Variants in VEPH1 observed in about 807,000 individuals in gnomAD.
VEPH1 encodes the protein ventricular zone-expressed PH domain-containing protein homolog 1.
Under a neutral mutation model 85.2 loss-of-function variants are expected in VEPH1, and 80 were observed. That is an observed-to-expected ratio of 0.94 (90% confidence interval 0.78 to 1.13). The LOEUF is 1.13. Ranked by LOEUF, VEPH1 falls within the 50% of genes most tolerant of loss-of-function variation. The probability of loss-of-function intolerance (pLI) is 0.00; values close to 1 mark genes in which losing one functional copy is unlikely to be tolerated. For synonymous variants in VEPH1, 297 were observed against 348.0 expected (o/e 0.85, Z 1.63); for missense variants, 955 against 980.5 (o/e 0.97, Z 0.35).
At chr3:157,262,059 G>A (rs758128569) in intron 13 of VEPH1, among the ~76,000 whole-genome samples, 4 of 152,124 alleles carry the variant, frequency 2.6e-5, no homozygotes, top group Non-Finnish European at 4.4e-5. Flanking sequence ...AGTACCTGTG[G>A]TTGAGAATCT....
At chr3:157,440,303 G>T (rs990948492) in intron 4 of VEPH1, among the ~76,000 whole-genome samples, 2 of 152,124 alleles carry the variant, frequency 1.3e-5, no homozygotes, top group Non-Finnish European at 2.9e-5. Flanking sequence ...ATGATTATCT[G>T]AATGCCAATA....
In VEPH1 at chr3:157,470,417, C is replaced by A. The variant is rs1736825573; in HGVS notation, c.251G>T (p.Gly84Val). The change falls in exon 3 of 14, where the codon GGG becomes GTG. Residue 84 changes from glycine to valine, a missense_variant. Gly to Val is a moderately radical substitution (Grantham distance 109). Coordinates refer to ENST00000362010, the MANE Select transcript of VEPH1 (RefSeq NM_001167912.2). ...SIEKHAKALVGLWDSCLEHNL... is the reference protein window; with the variant it reads ...SIEKHAKALVVLWDSCLEHNL... ...ATGTTCCAAGCAGGAGTCCCAGAGC[C>A]CCACAAGGGCCTTTGCATGCTTTTC... 6.2e-7 allele frequency: 1 copy of A among 1,614,012 alleles called. No individual in the cohort carries two copies. Among genetic ancestry groups the A allele is most frequent in the South Asian group, 1.1e-5 (1 of 91,088 alleles).
intron 6 of VEPH1, among the ~76,000 whole-genome samples, chr3:157,388,526 G>T (rs1456652842): frequency 2.0e-5 from 3 of 152,034 alleles, no homozygotes; most frequent in Non-Finnish European, 4.4e-5. Context: ...CCCTCCTCTG[G>T]AGAATGTAGG....
intron 11 of VEPH1, among the ~76,000 whole-genome samples, chr3:157,295,793 A>T (rs1196105407): frequency 6.6e-6 from 1 of 152,134 alleles, no homozygotes; most frequent in Non-Finnish European, 1.5e-5. Context: ...CATCTCTACT[A>T]AATATTTAAA....
chr3:157,401,496 A>C (rs933382804), intron 6 of VEPH1, among the ~76,000 whole-genome samples: 1 of 152,152 alleles, frequency 6.6e-6, no homozygotes, highest in Non-Finnish European at 1.5e-5. Context: ...AGGATGTTTT[A>C]TTCATGGTAG....
At chr3:157,460,666 G>A (rs145551588) in intron 3 of VEPH1, among the ~76,000 whole-genome samples, 1 of 152,180 alleles carries the variant, frequency 6.6e-6, no homozygotes, top group Non-Finnish European at 1.5e-5. Context: ...CTTCCTGGAG[G>A]GGGTAATGTC....
At chr3:157,330,432 A>G (rs533068459) in intron 9 of VEPH1, among the ~76,000 whole-genome samples, 71 of 152,336 alleles carry the variant, frequency 4.7e-4, no homozygotes, top group African/African-American at 1.7e-3. Context: ...TGTTGCCCCC[A>G]GGAGAGGGCC....
intron 2 of VEPH1, among the ~76,000 whole-genome samples, chr3:157,486,464 C>G (rs990284427): frequency 7.1e-6 from 1 of 140,890 alleles, no homozygotes; most frequent in Admixed American, 7.5e-5. Flanking sequence ...CCACTGCACT[C>G]GACAGAGCAA....
intron 11 of VEPH1, among the ~76,000 whole-genome samples, chr3:157,305,271 G>A (rs1454431531): frequency 1.3e-5 from 2 of 150,818 alleles, no homozygotes; most frequent in Non-Finnish European, 1.5e-5. Flanking sequence ...CACTACGCCC[G>A]GCTAATTTTT....
chr3:157,359,422 GTAAACC>G (rs1469922369), intron 9 of VEPH1, among the ~76,000 whole-genome samples: 1 of 152,190 alleles, frequency 6.6e-6, no homozygotes, highest in Non-Finnish European at 1.5e-5. Flanking sequence ...TAAGTGGTTG[GTAAACC>G]TGCACAAATA....
intron 11 of VEPH1, among the ~76,000 whole-genome samples, chr3:157,311,060 A>T (rs1321511674): frequency 6.6e-6 from 1 of 152,218 alleles, no homozygotes; most frequent in Non-Finnish European, 1.5e-5. Flanking sequence ...TCTTCAATTG[A>T]TATGTATTAT....
chr3:157,468,837 AATAAAT>A (rs1450601280), intron 3 of VEPH1, among the ~76,000 whole-genome samples: 1 of 152,168 alleles, frequency 6.6e-6, no homozygotes, highest in Non-Finnish European at 1.5e-5. Flanking sequence ...GTTCAGTGGT[AATAAAT>A]ATATTCGTAT....
At position 157,413,943 on chromosome 3, in the gene VEPH1, T is replaced by C; in HGVS notation, c.844A>G (p.Arg282Gly). The change falls in exon 6 of 14, where the codon AGA becomes GGA. Residue 282 changes from arginine to glycine, a missense_variant. Physicochemically the swap from Arg to Gly is moderately radical, Grantham distance 125. Transcript: ENST00000362010. ...FLPMLKEIGERFPYLTGQMAR... is the reference protein window; with the variant it reads ...FLPMLKEIGEGFPYLTGQMAR... ...ATCTGTCCAGTGAGGTAGGGGAATCTCTCACCAATCTCTTTCAGCATTGGA... is the reference window on the plus strand; with the variant it reads ...ATCTGTCCAGTGAGGTAGGGGAATCCCTCACCAATCTCTTTCAGCATTGGA... 1 of 1,613,656 alleles carries C rather than the reference T, an allele frequency of 6.2e-7. No individual in the cohort carries two copies. Among genetic ancestry groups the C allele is most frequent in the South Asian group, 1.1e-5 (1 of 91,062 alleles).
intron 4 of VEPH1, among the ~76,000 whole-genome samples, chr3:157,441,936 A>G (rs1242648163): frequency 6.6e-6 from 1 of 152,162 alleles, no homozygotes; most frequent in African/African-American, 2.4e-5. Flanking sequence ...TTATTTTAGG[A>G]ACTTGGTGGT....
At chr3:157,377,085 G>A (rs1000943520) in intron 7 of VEPH1, among the ~76,000 whole-genome samples, 2 of 152,172 alleles carry the variant, frequency 1.3e-5, no homozygotes, top group Non-Finnish European at 2.9e-5. Flanking sequence ...GAGCCGTTCA[G>A]ACAAAAGGCT....
At chr3:157,299,644 G>A (rs961292797) in intron 11 of VEPH1, among the ~76,000 whole-genome samples, 2 of 151,760 alleles carry the variant, frequency 1.3e-5, no homozygotes, top group Non-Finnish European at 1.5e-5. Context: ...TTACTGAGTA[G>A]CTGCTCTGCC....
intron 9 of VEPH1, among the ~76,000 whole-genome samples, chr3:157,320,776 GATAA>G (rs1164451288): frequency 6.6e-6 from 1 of 152,070 alleles, no homozygotes; most frequent in Admixed American, 6.6e-5. Flanking sequence ...ATATTACACA[GATAA>G]ATAAATTTAA....
At chr3:157,474,161 G>A (rs1025786453) in intron 2 of VEPH1, among the ~76,000 whole-genome samples, 4 of 152,046 alleles carry the variant, frequency 2.6e-5, no homozygotes, top group Admixed American at 1.3e-4. Flanking sequence ...TGACCTTACA[G>A]TGGCTCAACA....
At chr3:157,398,023 C>T (rs1024957751) in intron 6 of VEPH1, among the ~76,000 whole-genome samples, 2 of 152,140 alleles carry the variant, frequency 1.3e-5, no homozygotes, top group African/African-American at 4.8e-5. Flanking sequence ...CCTCTGTCAA[C>T]CAATCACAGG....
Sources: allele counts gnomAD v4.1 joint callset (sites outside exome capture counted in the v4.1 genomes callset), GRCh38; gene constraint gnomAD v4.1.1; transcripts MANE v1.5; gene names NCBI Gene and HGNC (gene_info 2026-07-23, HGNC 2026-07-21).